Variants in ABCA7 observed in about 807,000 individuals in gnomAD.
ABCA7 encodes the protein ATP binding cassette subfamily A member 7, also known as phospholipid-transporting ATPase ABCA7.
In ABCA7, 261 loss-of-function variants were observed where a neutral mutation model predicts 227.6. The ratio of observed to expected loss-of-function variants is 1.15; its 90% CI spans 1.04 to 1.27. The LOEUF (loss-of-function observed/expected upper bound fraction) is 1.27. Among genes scored for constraint, ABCA7 ranks in the 50% most tolerant of loss-of-function variants. ABCA7 has a pLI of 0.00. For synonymous variants in ABCA7, 1,488 were observed against 1,279.7 expected (o/e 1.16, Z -3.47); for missense variants, 3,331 against 2,924.5 (o/e 1.14, Z -3.21).
Position 1,049,356 on chromosome 19 carries a change from T to A in ABCA7, c.2471T>A (p.Leu824Gln). 1 of 1,611,524 alleles carries A rather than the reference T, an allele frequency of 6.2e-7. No individual in the cohort carries two copies. Among genetic ancestry groups the A allele is most frequent in the Non-Finnish European group, 8.5e-7 (1 of 1,179,208 alleles). Reference sequence around the variant, plus strand: ...TTTCCTGGAAGCCCGCAGCCAGCCCTGCGGGGGCTCAGCCTGGACTTCTAC... The same window carrying A: ...TTTCCTGGAAGCCCGCAGCCAGCCCAGCGGGGGCTCAGCCTGGACTTCTAC... Reference protein sequence around the residue: ...KRFPGSPQPALRGLSLDFYQG... With the variant: ...KRFPGSPQPAQRGLSLDFYQG... The change falls in exon 18 of 47, where the codon CTG (leucine) becomes CAG (glutamine). Residue 824 changes from leucine to glutamine, a missense_variant. Leu to Gln is a moderately radical substitution (Grantham distance 113). Coordinates refer to ENST00000263094, the MANE Select transcript of ABCA7 (RefSeq NM_019112.4).
chr19:1,043,383 C>T lies in ABCA7; in HGVS notation c.840C>T (p.Ser280=). 6.2e-7 allele frequency: 1 copy of T among 1,613,228 alleles called. No individual in the cohort carries two copies. The highest frequency in any genetic ancestry group is 8.5e-7 in the Non-Finnish European group (1 of 1,180,002). ...GAGCCCTGGACAGCCACCCGCTGTC[C>T]CGCCTGCTCTGGAGACGCCTGAAGC... is the stretch of plus-strand genomic sequence containing the variant. The part of the protein sequence containing the change: ...LIGALDSHPL[S]RLLWRRLKPL... The change falls in exon 9 of 47, where the codon TCC becomes TCT. Residue 280 remains serine, a synonymous_variant. Transcript: ENST00000263094.
chr19:1,055,890 G>A lies in ABCA7; in HGVS notation c.4206-17G>A. Reference sequence around the variant, plus strand: ...CACATCCCTGTCTGCCTGTGTCTCTGTCCATCTCTCCCACAGCCTGAAGAC... The same window carrying A: ...CACATCCCTGTCTGCCTGTGTCTCTATCCATCTCTCCCACAGCCTGAAGAC... On this transcript the variant is annotated splice_polypyrimidine_tract_variant and intron_variant, in intron 30 of 46. Transcript: ENST00000263094. The A allele has an allele frequency of 6.3e-7, 1 of 1,581,100 alleles. No individual in the cohort carries two copies. The highest frequency in any genetic ancestry group is 8.6e-7 in the Non-Finnish European group (1 of 1,162,394).
Position 1,047,481 on chromosome 19 carries a change from T to C in ABCA7, c.2096T>C (p.Phe699Ser). ...CTGCTGTCGCCCGTGGCCTTCGGCT[T>C]CGGCTGCGAGAGCCTGGCTCTGCTG... ...ASLLSPVAFG[F>S]GCESLALLEE... Residue 699 changes from phenylalanine (F) to serine (S), a missense_variant, in exon 16 of 47, where the codon TTC (phenylalanine) becomes TCC (serine). Physicochemically the swap from Phe to Ser is radical, Grantham distance 155. Coordinates refer to ENST00000263094, the MANE Select transcript of ABCA7 (RefSeq NM_019112.4). 1 of 1,565,470 alleles carries C rather than the reference T, an allele frequency of 6.4e-7. No homozygotes were observed. Among genetic ancestry groups the C allele is most frequent in the Non-Finnish European group, 8.6e-7 (1 of 1,160,394 alleles).
Position 1,049,373 on chromosome 19 carries a change from G to T in ABCA7, c.2488G>T (p.Asp830Tyr), listed in dbSNP as rs376512064. 1.9e-6 allele frequency: 3 copies of T among 1,611,330 alleles called. No individual in the cohort carries two copies. The highest frequency in any genetic ancestry group is 2.5e-6 in the Non-Finnish European group (3 of 1,179,108). ...PQPALRGLSL[D>Y]FYQGHITAFL... Reference sequence around the variant, plus strand: ...GCCAGCCCTGCGGGGGCTCAGCCTGGACTTCTACCAGGGCCACATCACCGC... The same window carrying T: ...GCCAGCCCTGCGGGGGCTCAGCCTGTACTTCTACCAGGGCCACATCACCGC... Residue 830 changes from aspartate to tyrosine, a missense_variant, in exon 18 of 47, where the codon GAC becomes TAC. Physicochemically the swap from Asp to Tyr is radical, Grantham distance 160 (BLOSUM62 -3). Coordinates refer to ENST00000263094, the MANE Select transcript of ABCA7 (RefSeq NM_019112.4).
intron 42 of ABCA7, among the ~76,000 whole-genome samples, chr19:1,063,113 C>A (rs1482178487): frequency 2.9e-5 from 4 of 138,874 alleles, no homozygotes; most frequent in Non-Finnish European, 1.5e-5. Flanking sequence ...GGCCCCGCCG[C>A]ATACTCATGC....
At chr19:1,046,694 ATCT>A in intron 13 of ABCA7, 105 bp from the exon 14 acceptor site, 2 of 1,267,688 alleles carry the variant, frequency 1.6e-6, no homozygotes, top group Admixed American at 4.2e-5. Context: ...AGGGAGGCAA[ATCT>A]TCCCGCCTTG....
At position 1,063,517 on chromosome 19, in the gene ABCA7, C is replaced by G. The variant is rs533851215; in HGVS notation, c.5713-27C>G. On this transcript the variant is annotated intron_variant, in intron 42 of 46. Coordinates refer to ENST00000263094, the MANE Select transcript of ABCA7 (RefSeq NM_019112.4). ...CCCCATACTCATCAATATGAGTCCC[C>G]ATGCCTACTCTGGCCCCACCCCACA... 76 of 1,607,490 alleles carry G rather than the reference C, an allele frequency of 4.7e-5. 1 individual carries two copies. In the South Asian group the frequency reaches 8.4e-4, roughly 18 times the overall value.
chr19:1,051,320 C>G (rs757282989), intron 20 of ABCA7, 26 bp downstream of exon 20: 1 of 1,540,646 alleles, frequency 6.5e-7, no homozygotes, highest in Non-Finnish European at 8.8e-7. Context: ...AGGGAGGTCA[C>G]CTCACAGGGA....
chr19:1,055,797 C>G, intron 30 of ABCA7, 110 bp from the exon 31 acceptor site: 3 of 1,205,520 alleles, frequency 2.5e-6, no homozygotes, highest in Non-Finnish European at 3.4e-6. Context: ...CCACCGCGCC[C>G]GGCTTTCTTT....
chr19:1,061,714 A>AAG lies in ABCA7; in HGVS notation c.5464-66_5464-65dup. 3.5e-6 allele frequency: 5 copies of AAG among 1,444,290 alleles called. No homozygotes were observed. In the African/African-American group the frequency reaches 7.3e-5, roughly 21 times the overall value. The allele number at this position is 1,444,290 out of a possible 1,614,324, so 89.5% of individuals were successfully genotyped here. On this transcript the variant is annotated intron_variant, in intron 40 of 46. Coordinates refer to ENST00000263094, the MANE Select transcript of ABCA7 (RefSeq NM_019112.4). ...AACTTGGTCTCAAAAAAAAAAAAAA[A>AAG]AGAAATCAGAGATGCCGGAACCAGG... is the stretch of plus-strand genomic sequence containing the variant.
At position 1,063,789 on chromosome 19, in the gene ABCA7, C is replaced by T. The variant is rs1447498739; in HGVS notation, c.5877C>T (p.Ser1959=). Residue 1959 remains serine, a synonymous_variant, in exon 44 of 47, where the codon AGC becomes AGT. Coordinates refer to ENST00000263094, the MANE Select transcript of ABCA7 (RefSeq NM_019112.4). ...LDEPTTGMDP[S]ARRFLWNSLL... is the part of the protein sequence containing the mutation. ...AGCCGACCACAGGCATGGACCCCAG[C>T]GCGCGGCGCTTCCTTTGGAACAGCC... is the stretch of plus-strand genomic sequence containing the variant. The T allele has an allele frequency of 1.9e-6, 3 of 1,546,716 alleles. No individual in the cohort carries two copies. Among genetic ancestry groups the T allele is most frequent in the African/African-American group, 2.7e-5 (2 of 73,056 alleles).
intron 11 of ABCA7, 63 bp from the exon 12 acceptor site, chr19:1,044,939 G>A (rs2040463266): frequency 2.5e-6 from 4 of 1,573,890 alleles, no homozygotes; most frequent in African/African-American, 1.4e-5. Flanking sequence ...CCAGGGGGAG[G>A]AGCGGAGTGG....
Position 1,056,767 on chromosome 19 carries a change from C to G in ABCA7, c.4587-140C>G. The G allele has an allele frequency of 9.7e-7, 1 of 1,033,258 alleles. No homozygotes were observed. The highest frequency in any genetic ancestry group is 1.5e-5 in the South Asian group (1 of 66,300). 64.0% of individuals were successfully genotyped at this position (1,033,258 alleles called of 1,614,324 possible). A position where few individuals can be genotyped will look rare whatever the true frequency, so the allele number is the denominator to read the frequency against. On this transcript the variant is annotated intron_variant, in intron 33 of 46. Transcript: ENST00000263094. This position sits in a 1 kb window ranked among gnomAD's most constrained non-coding sequence, Gnocchi z 4.3. Reference sequence around the variant, plus strand: ...CCTCTGCTGCCAAATCCCAGGCACCCTCATCCCTAAATTGCCCCTGCCATC... The same window carrying G: ...CCTCTGCTGCCAAATCCCAGGCACCGTCATCCCTAAATTGCCCCTGCCATC...
Position 1,042,548 on chromosome 19 carries a change from C to G in ABCA7, c.498+151C>G, listed in dbSNP as rs770052706. 10 of 1,116,042 alleles carry G rather than the reference C, an allele frequency of 9.0e-6. No homozygotes were observed. The East Asian group carries it at 2.5e-4, about 28-fold the overall frequency. 69.1% of individuals were successfully genotyped at this position (1,116,042 alleles called of 1,614,324 possible). A position where few individuals can be genotyped will look rare whatever the true frequency, so the allele number is the denominator to read the frequency against. On this transcript the variant is annotated intron_variant, in intron 6 of 46. Coordinates refer to ENST00000263094, the MANE Select transcript of ABCA7 (RefSeq NM_019112.4). ...TGATGCTGCTTGTCCGTCTGGGCCC[C>G]CAGACAGAGTGTGTCTGACCCAGTG...
At chr19:1,042,882 G>C (rs942071870) in intron 7 of ABCA7, 56 bp downstream of exon 7, 4 of 1,527,576 alleles carry the variant, frequency 2.6e-6, no homozygotes, top group Non-Finnish European at 3.5e-6. Flanking sequence ...CAGGCAGCCT[G>C]CGCCGGGAGG....
intron 19 of ABCA7, 34 bp from the exon 20 acceptor site, chr19:1,051,121 A>G (rs760430436): frequency 6.8e-6 from 11 of 1,610,134 alleles, no homozygotes; most frequent in South Asian, 1.1e-5. Context: ...TCTGCCTGCC[A>G]TGTGGGTCAC....
chr19:1,065,390 C>G lies in ABCA7; in HGVS notation c.6406C>G (p.Leu2136Val). Residue 2136 changes from leucine to valine, a missense_variant, in exon 47 of 47, where the codon CTC becomes GTC. Coordinates refer to ENST00000263094, the MANE Select transcript of ABCA7 (RefSeq NM_019112.4). ...GCACCCCAAACGCGTCAGCCAGTTC[C>G]TCGATGACCCTAGCACTGCCGAGAC... is the stretch of plus-strand genomic sequence containing the variant. ...LQHPKRVSQFLDDPSTAETVL is the reference protein window; with the variant it reads ...LQHPKRVSQFVDDPSTAETVL 6.2e-7 allele frequency: 1 copy of G among 1,613,578 alleles called. No homozygotes were observed. Among genetic ancestry groups the G allele is most frequent in the African/African-American group, 1.3e-5 (1 of 75,062 alleles).
intron 13 of ABCA7, 24 bp downstream of exon 13, chr19:1,046,430 C>T (rs1281255429): frequency 1.3e-6 from 2 of 1,521,612 alleles, no homozygotes; most frequent in African/African-American, 1.4e-5. Context: ...CCCCTCCCCG[C>T]TCTTCCCCGC....
At position 1,042,168 on chromosome 19, in the gene ABCA7, G is replaced by A. The variant is rs1358531422; in HGVS notation, c.407G>A (p.Arg136His). Residue 136 changes from arginine to histidine, a missense_variant, in exon 5 of 47, where the codon CGC (arginine) becomes CAC (histidine). By Grantham distance (29) the Arg-to-His change is conservative (BLOSUM62 0). Transcript: ENST00000263094. ...CTGATCGCCACGCTGAGGGCTGCAC[G>A]CAGCACGGGTGAGGAGGCCGGGGGG... ...GKLIATLRAARSTAQPQPTKQ... is the reference protein window; with the variant it reads ...GKLIATLRAAHSTAQPQPTKQ... The A allele has an allele frequency of 2.5e-6, 4 of 1,600,690 alleles. No individual in the cohort carries two copies. Among genetic ancestry groups the A allele is most frequent in the Non-Finnish European group, 3.4e-6 (4 of 1,179,184 alleles).
Sources: gnomAD v4.1 joint callset for allele counts (sites outside exome capture counted in the v4.1 genomes callset) on GRCh38, gnomAD v4.1.1 for gene constraint, Gnocchi (gnomAD v3.1) non-coding constraint, MANE v1.5 for transcripts, NCBI Gene and HGNC (gene_info 2026-07-23, HGNC 2026-07-21) for gene names.